Variants in CDYL observed in about 807,000 individuals in gnomAD.
CDYL encodes the protein chromodomain Y like.
CDYL carries 8 observed loss-of-function variants against 47.3 expected under a neutral mutation model. The ratio of observed to expected loss-of-function variants is 0.17; its 90% CI spans 0.10 to 0.31. The LOEUF (loss-of-function observed/expected upper bound fraction) is 0.31. Ranked by LOEUF, CDYL falls within the 10% of genes least tolerant of loss-of-function variation. The pLI, the probability that CDYL is intolerant of heterozygous loss-of-function variation, is 1.00. For missense variants in CDYL, 471 were observed against 701.4 expected, an observed-to-expected ratio of 0.67 and a Z score of 3.71; for synonymous variants, 266 against 265.0, an observed-to-expected ratio of 1.00 and a Z score of -0.04.
chr6:4,745,129 T>TACCAC (rs1757866186), intron 3 of CDYL, among the ~76,000 whole-genome samples: 1 of 152,110 alleles, frequency 6.6e-6, no homozygotes, highest in Non-Finnish European at 1.5e-5. Context: ...TATACCCGAC[T>TACCAC]AATTTTATTT....
At chr6:4,806,951 A>G (rs1759386664) in intron 1 of CDYL, among the ~76,000 whole-genome samples, 1 of 152,216 alleles carries the variant, frequency 6.6e-6, no homozygotes, top group Admixed American at 6.5e-5. Context: ...AGGTGCGGGC[A>G]GGATGGGATT....
intron 2 of CDYL, among the ~76,000 whole-genome samples, chr6:4,731,661 C>T (rs1048200778): frequency 5.9e-5 from 9 of 152,124 alleles, no homozygotes; most frequent in Admixed American, 2.6e-4. Flanking sequence ...TAGCCAGATG[C>T]GGTGGCATGC....
chr6:4,948,681 A>G (rs1758605643), intron 5 of CDYL, among the ~76,000 whole-genome samples: 1 of 152,140 alleles, frequency 6.6e-6, no homozygotes, highest in Admixed American at 6.5e-5. Flanking sequence ...TAGCCCCCAC[A>G]GGACAGCCCC....
intron 1 of CDYL, among the ~76,000 whole-genome samples, chr6:4,879,387 T>A (rs1300984815): frequency 1.3e-5 from 2 of 152,212 alleles, no homozygotes; most frequent in African/African-American, 4.8e-5. Flanking sequence ...TATAGCATCT[T>A]AATAAATTGA....
chr6:4,720,005 T>C lies in CDYL; in HGVS notation c.103+4124T>C, dbSNP rs551385705. On this transcript the variant is annotated intron_variant, in intron 2 of 8. Transcript: ENST00000328908. ...TTCAACGCTTATAGCAAATCAACAT[T>C]GTGACCCAATAATTATTAAGTCCAT... Among the ~76,000 whole-genome samples, 18 of 152,338 alleles carry C rather than the reference T, an allele frequency of 1.2e-4. 1 individual carries two copies. The South Asian group carries it at 2.7e-3, about 23-fold the overall frequency.
chr6:4,946,605 C>T (rs954108086), intron 5 of CDYL, among the ~76,000 whole-genome samples: 7 of 152,164 alleles, frequency 4.6e-5, no homozygotes, highest in Non-Finnish European at 1.0e-4. Context: ...TCTAGGCTGC[C>T]GGCCCATGCC....
intron 2 of CDYL, among the ~76,000 whole-genome samples, chr6:4,906,886 G>C (rs147272242): frequency 6.6e-6 from 1 of 152,318 alleles, no homozygotes; most frequent in East Asian, 1.9e-4. Flanking sequence ...TTCTCAGTGA[G>C]TGGTCTAAAC....
intron 1 of CDYL, among the ~76,000 whole-genome samples, chr6:4,819,893 C>T (rs1759785582): frequency 6.6e-6 from 1 of 152,148 alleles, no homozygotes; most frequent in African/African-American, 2.4e-5. Flanking sequence ...CCCCAGATGC[C>T]AGTAGTGCTG....
At chr6:4,773,725 C>G (rs888408491), upstream of CDYL, among the ~76,000 whole-genome samples, 4 of 152,180 alleles carry the variant, frequency 2.6e-5, no homozygotes, top group Non-Finnish European at 5.9e-5. The surrounding 1 kb of genome is among the most constrained non-coding windows in gnomAD (Gnocchi z 4.6). Flanking sequence ...TGGAAGCCAA[C>G]TGTCAGAGTG....
chr6:4,884,821 A>T (rs1239706823), intron 1 of CDYL, among the ~76,000 whole-genome samples: 3 of 152,182 alleles, frequency 2.0e-5, no homozygotes, highest in Non-Finnish European at 2.9e-5. Flanking sequence ...TGTAGGAATT[A>T]CAGGCTCAGG....
chr6:4,949,273 G>A (rs1000620423), intron 5 of CDYL, among the ~76,000 whole-genome samples: 1 of 152,188 alleles, frequency 6.6e-6, no homozygotes, highest in South Asian at 2.1e-4. Flanking sequence ...TGTGAAGCTG[G>A]AGAATGCCCA....
At chr6:4,748,400 A>G (rs908293252) in intron 3 of CDYL, among the ~76,000 whole-genome samples, 20 of 152,172 alleles carry the variant, frequency 1.3e-4, no homozygotes, top group African/African-American at 4.3e-4. Flanking sequence ...TAAAGGATAC[A>G]TACTAATAAC....
intron 1 of CDYL, among the ~76,000 whole-genome samples, chr6:4,816,623 T>C (rs1300089253): frequency 6.6e-6 from 1 of 151,436 alleles, no homozygotes. Context: ...CTCAGCCTCC[T>C]GAATTGCTGG....
At chr6:4,862,788 C>A (rs1761209272) in intron 1 of CDYL, among the ~76,000 whole-genome samples, 1 of 152,192 alleles carries the variant, frequency 6.6e-6, no homozygotes, top group African/African-American at 2.4e-5. Flanking sequence ...TTAAGAATAT[C>A]TCTTCCCTTT....
intron 3 of CDYL, among the ~76,000 whole-genome samples, chr6:4,756,602 G>GTGTGTGTT (rs1758079698): frequency 1.3e-5 from 2 of 151,890 alleles, no homozygotes; most frequent in African/African-American, 4.8e-5. Flanking sequence ...GTGTGTGTGT[G>GTGTGTGTT]TGTGTGTGTG....
chr6:4,744,629 A>T (rs1582304069), intron 3 of CDYL, among the ~76,000 whole-genome samples: 1 of 152,222 alleles, frequency 6.6e-6, no homozygotes, highest in East Asian at 1.9e-4. Flanking sequence ...CAGGCAGTGT[A>T]CTAAATTCTT....
chr6:4,734,955 G>C (rs950150442), intron 3 of CDYL: 1 of 1,487,884 alleles, frequency 6.7e-7, no homozygotes, highest in African/African-American at 1.4e-5. Context: ...CTGTGCTTGG[G>C]TCCCTTTGGT....
intron 2 of CDYL, among the ~76,000 whole-genome samples, chr6:4,919,503 A>G (rs1470978440): frequency 1.3e-5 from 2 of 152,210 alleles, no homozygotes; most frequent in Non-Finnish European, 2.9e-5. Flanking sequence ...TTACCAGTTG[A>G]GCATCTCAAA....
At chr6:4,898,460 G>A (rs1762350599) in intron 2 of CDYL, among the ~76,000 whole-genome samples, 1 of 152,194 alleles carries the variant, frequency 6.6e-6, no homozygotes, top group Non-Finnish European at 1.5e-5. Context: ...GCTTCCACAT[G>A]TGTTATCTTG....
Sources: allele counts gnomAD v4.1 joint callset (sites outside exome capture counted in the v4.1 genomes callset), GRCh38; gene constraint gnomAD v4.1.1; non-coding constraint Gnocchi (gnomAD v3.1); transcripts MANE v1.5; gene names NCBI Gene and HGNC (gene_info 2026-07-23, HGNC 2026-07-21).